The following CHODL variants were observed in gnomAD, a reference collection of about 807,000 sequenced individuals.
CHODL encodes the protein transmembrane protein MT75.
In CHODL, 29 loss-of-function variants were observed where a neutral mutation model predicts 34.5. The ratio of observed to expected loss-of-function variants is 0.84; its 90% CI spans 0.63 to 1.15. The LOEUF is 1.15. CHODL is among the 50% of genes most tolerant of loss of function. CHODL has a pLI of 0.00. For synonymous variants in CHODL, 125 were observed against 116.1 expected (o/e 1.08, Z -0.49); for missense variants, 332 against 332.5 (o/e 1.00, Z 0.01).
At chr21:18,190,927 G>A (rs17698124) in intron 2 of CHODL, among the ~76,000 whole-genome samples, 6,888 of 152,022 alleles carry the variant, frequency 0.045, 193 homozygotes, top group Middle Eastern at 0.11. Flanking sequence ...ATTTTCTTTC[G>A]TGTCTGGAAA....
chr21:18,058,293 G>C (rs570454461), intron 2 of CHODL, among the ~76,000 whole-genome samples: 1 of 152,120 alleles, frequency 6.6e-6, no homozygotes, highest in African/African-American at 2.4e-5. Context: ...TCAGTATGGA[G>C]GTTCCTCAAA....
intron 2 of CHODL, among the ~76,000 whole-genome samples, chr21:18,133,812 C>T (rs2072687317): frequency 6.6e-6 from 1 of 152,164 alleles, no homozygotes; most frequent in African/African-American, 2.4e-5. Context: ...AGCTCACACT[C>T]ATACTGCCTA....
At chr21:17,949,935 TAAAC>T (rs2063442505) in intron 1 of CHODL, among the ~76,000 whole-genome samples, 1 of 152,048 alleles carries the variant, frequency 6.6e-6, no homozygotes. Flanking sequence ...TGCAATTTCT[TAAAC>T]AGAGAAACTG....
intron 1 of CHODL, among the ~76,000 whole-genome samples, chr21:17,961,418 T>C (rs1462820359): frequency 6.6e-6 from 1 of 152,258 alleles, no homozygotes; most frequent in Non-Finnish European, 1.5e-5. Context: ...CTTGCACTGC[T>C]GCTTTCCAAG....
At chr21:18,197,762 G>C (rs2073606475) in intron 2 of CHODL, among the ~76,000 whole-genome samples, 1 of 152,116 alleles carries the variant, frequency 6.6e-6, no homozygotes, top group South Asian at 2.1e-4. Flanking sequence ...TCCAAAACTG[G>C]GGTCCCAAGA....
At chr21:18,146,014 G>C (rs1043329495) in intron 2 of CHODL, among the ~76,000 whole-genome samples, 8 of 152,150 alleles carry the variant, frequency 5.3e-5, no homozygotes, top group African/African-American at 1.9e-4. Flanking sequence ...TGTCACCCAG[G>C]CTGGAGTGCA....
At chr21:17,998,708 A>G (rs1202093758) in intron 1 of CHODL, among the ~76,000 whole-genome samples, 5 of 152,216 alleles carry the variant, frequency 3.3e-5, no homozygotes, top group East Asian at 1.9e-4. Flanking sequence ...CCCAAGCTCT[A>G]CGTTGGCCCC....
chr21:18,056,168 T>A (rs1265266631), intron 2 of CHODL, among the ~76,000 whole-genome samples: 6 of 152,002 alleles, frequency 3.9e-5, no homozygotes, highest in African/African-American at 7.2e-5. Flanking sequence ...TTAATGATCA[T>A]TTGGAGGGAT....
At chr21:18,075,584 G>T (rs1205553657) in intron 2 of CHODL, among the ~76,000 whole-genome samples, 1 of 152,110 alleles carries the variant, frequency 6.6e-6, no homozygotes, top group Non-Finnish European at 1.5e-5. Context: ...GTATCTCACA[G>T]GTTGTAGTAA....
At chr21:17,998,923 C>CT (rs1227009768) in intron 1 of CHODL, among the ~76,000 whole-genome samples, 1 of 152,210 alleles carries the variant, frequency 6.6e-6, no homozygotes, top group African/African-American at 2.4e-5. Flanking sequence ...CTCCTTGCTA[C>CT]TTATGCAAAT....
At chr21:18,105,086 T>C (rs1194184791) in intron 2 of CHODL, among the ~76,000 whole-genome samples, 1 of 152,234 alleles carries the variant, frequency 6.6e-6, no homozygotes, top group Non-Finnish European at 1.5e-5. Context: ...AGGGTAGATA[T>C]TTTTTCTCCT....
At chr21:18,073,207 C>G (rs1194534617) in intron 2 of CHODL, among the ~76,000 whole-genome samples, 1 of 152,048 alleles carries the variant, frequency 6.6e-6, no homozygotes, top group Non-Finnish European at 1.5e-5. Flanking sequence ...ACGTTAGCAA[C>G]TTTAATCTGG....
chr21:18,072,496 C>G (rs1223320116), intron 2 of CHODL, among the ~76,000 whole-genome samples: 1 of 152,004 alleles, frequency 6.6e-6, no homozygotes, highest in Non-Finnish European at 1.5e-5. Flanking sequence ...TAGGAGAAGA[C>G]TCTAGTTAAA....
chr21:18,069,603 G>A (rs1280226202), intron 2 of CHODL, among the ~76,000 whole-genome samples: 5 of 151,726 alleles, frequency 3.3e-5, no homozygotes, highest in East Asian at 1.9e-4. Context: ...TGACCCATGC[G>A]TCCAAGAGTG....
intron 2 of CHODL, among the ~76,000 whole-genome samples, chr21:18,032,967 T>G (rs1353275454): frequency 6.6e-6 from 1 of 152,084 alleles, no homozygotes; most frequent in Non-Finnish European, 1.5e-5. Flanking sequence ...GGGAACAAAT[T>G]CTTGTTCTCA....
intron 1 of CHODL, among the ~76,000 whole-genome samples, chr21:17,930,893 G>T (rs2063267056): frequency 6.6e-6 from 1 of 152,206 alleles, no homozygotes; most frequent in African/African-American, 2.4e-5. Flanking sequence ...TGAGGGAAGA[G>T]ATTCCATGCT....
intron 2 of CHODL, among the ~76,000 whole-genome samples, chr21:18,180,133 A>G (rs1188994780): frequency 6.6e-6 from 1 of 152,190 alleles, no homozygotes; most frequent in Non-Finnish European, 1.5e-5. Flanking sequence ...AACTTCTATT[A>G]TTAGTATTGG....
intron 2 of CHODL, among the ~76,000 whole-genome samples, chr21:18,079,765 T>G (rs2064915206): frequency 2.6e-5 from 2 of 77,202 alleles, no homozygotes; most frequent in South Asian, 6.3e-4. Context: ...CGTGTATGCT[T>G]ATCACAGTAC....
chr21:17,954,869 A>G (rs898174736), intron 1 of CHODL, among the ~76,000 whole-genome samples: 8 of 120,876 alleles, frequency 6.6e-5, no homozygotes, highest in African/African-American at 2.2e-4. Flanking sequence ...TAATTCTTAT[A>G]TATTTATATT....
Sources: gnomAD v4.1 joint callset for allele counts (sites outside exome capture counted in the v4.1 genomes callset) on GRCh38, gnomAD v4.1.1 for gene constraint, MANE v1.5 for transcripts, NCBI Gene and HGNC (gene_info 2026-07-23, HGNC 2026-07-21) for gene names.